Variants in NRCAM observed in about 807,000 individuals in gnomAD.
NRCAM encodes the protein neuronal cell adhesion molecule.
A neutral mutation model predicts 156.5 loss-of-function variants in NRCAM; 83 were observed. The observed-to-expected ratio is 0.53, with a 90% CI of 0.44 to 0.64. NRCAM has a LOEUF of 0.64. Ranked by LOEUF, NRCAM falls within the 30% of genes least tolerant of loss-of-function variation. The probability of loss-of-function intolerance (pLI) is 0.00; values close to 1 mark genes in which losing one functional copy is unlikely to be tolerated. For missense variants in NRCAM, 1,417 were observed against 1,597.3 expected (o/e 0.89, Z 1.92); for synonymous variants, 538 against 563.9 (o/e 0.95, Z 0.65).
chr7:108,331,153 C>T (rs935578946), intron 2 of NRCAM, among the ~76,000 whole-genome samples: 10 of 152,142 alleles, frequency 6.6e-5, no homozygotes, highest in Admixed American at 5.9e-4. Flanking sequence ...AATCCCAATA[C>T]TTTGGGAGGC....
At chr7:108,291,994 C>T (rs774793109) in intron 3 of NRCAM, among the ~76,000 whole-genome samples, 1 of 152,200 alleles carries the variant, frequency 6.6e-6, no homozygotes, top group Non-Finnish European at 1.5e-5. Context: ...GGAAAGGGCA[C>T]TGGGGCCCCG....
intron 28 of NRCAM, among the ~76,000 whole-genome samples, chr7:108,175,106 T>G (rs1235080171): frequency 6.6e-6 from 1 of 152,236 alleles, no homozygotes; most frequent in Non-Finnish European, 1.5e-5. Context: ...GTACCAGGGA[T>G]AAGTCTCAAG....
intron 2 of NRCAM, among the ~76,000 whole-genome samples, chr7:108,350,454 C>T (rs2099403853): frequency 6.6e-6 from 1 of 152,210 alleles, no homozygotes; most frequent in Non-Finnish European, 1.5e-5. Flanking sequence ...GAGTTGATGT[C>T]TCAGTCAATG....
At chr7:108,283,420 ATG>A (rs2097934492) in intron 3 of NRCAM, among the ~76,000 whole-genome samples, 1 of 152,358 alleles carries the variant, frequency 6.6e-6, no homozygotes, top group East Asian at 1.9e-4. Flanking sequence ...GGAGAGATGA[ATG>A]CCAGATTAGT....
intron 30 of NRCAM, 24 bp from the exon 31 acceptor site, chr7:108,160,516 G>T (rs1291052668): frequency 6.2e-7 from 1 of 1,609,958 alleles, no homozygotes; most frequent in South Asian, 1.1e-5. Context: ...CAATGGTGTT[G>T]GTGGCAATAG....
intron 1 of NRCAM, among the ~76,000 whole-genome samples, chr7:108,440,101 T>C (rs952427444): frequency 5.3e-5 from 8 of 152,252 alleles, no homozygotes; most frequent in East Asian, 1.9e-4. Context: ...TAGTCTCAAA[T>C]TGGAAACAGT....
At chr7:108,282,966 A>G (rs1269685) in intron 3 of NRCAM, among the ~76,000 whole-genome samples, 141,364 of 152,244 alleles carry the variant, frequency 0.93, 65,676 homozygotes, top group East Asian at 1. Context: ...GGGCACCAGG[A>G]TTTCTAAAAC....
chr7:108,333,507 C>A (rs1202764040), intron 2 of NRCAM, among the ~76,000 whole-genome samples: 2 of 151,768 alleles, frequency 1.3e-5, no homozygotes, highest in Non-Finnish European at 2.9e-5. Flanking sequence ...TCTTTTTAAT[C>A]AGATATTTTC....
chr7:108,403,315 G>GA (rs2099798358), intron 1 of NRCAM, among the ~76,000 whole-genome samples: 1 of 152,012 alleles, frequency 6.6e-6, no homozygotes, highest in Non-Finnish European at 1.5e-5. Context: ...TTGTCCTTAC[G>GA]AAATATTCAT....
intron 1 of NRCAM, among the ~76,000 whole-genome samples, chr7:108,435,743 TAAACTA>T (rs1831271936): frequency 1.3e-5 from 2 of 152,204 alleles, no homozygotes; most frequent in South Asian, 4.1e-4. Flanking sequence ...CCCCTGAACT[TAAACTA>T]AAACTCTAGT....
chr7:108,379,603 T>A lies in NRCAM; in HGVS notation c.-174+19833A>T, dbSNP rs116300844. Among the ~76,000 whole-genome samples, 777 of 152,292 alleles carry A rather than the reference T, an allele frequency of 5.1e-3. 8 individuals are homozygous for A. The highest frequency in any genetic ancestry group is 0.018 in the African/African-American group (758 of 41,548). On this transcript the variant is annotated intron_variant, in intron 2 of 32. Transcript: ENST00000379028. ...TAAAAAGATTTTAAAATGGTGAATT[T>A]TATCCTATGTGTATTTTATCACAGT...
rs757198642 is a variant in NRCAM at position 108,150,709 on chromosome 7, A to G, written c.3678-562T>C. The G allele has an allele frequency of 5.6e-6, 3 of 533,834 alleles. No homozygotes were observed. In the African/African-American group the frequency reaches 5.8e-5, roughly 10 times the overall value. The allele number at this position is 533,834 out of a possible 1,614,324, so 33.1% of individuals were successfully genotyped here. ...TTCAACCTTACCTTTCAAGAGACCT[A>G]CAAAATTCCATTAAAAGGATGCAGA... On this transcript the variant is annotated intron_variant, in intron 32 of 32. Coordinates refer to ENST00000379028, the MANE Select transcript of NRCAM (RefSeq NM_001037132.4).
At chr7:108,259,417 T>C (rs945222277) in intron 3 of NRCAM, among the ~76,000 whole-genome samples, 6 of 152,234 alleles carry the variant, frequency 3.9e-5, no homozygotes, top group Admixed American at 2.6e-4. Flanking sequence ...AGTTCAACCA[T>C]TGTGCAAGAC....
intron 28 of NRCAM, 134 bp from the exon 29 acceptor site, chr7:108,168,536 C>T: frequency 1.3e-6 from 1 of 775,550 alleles, no homozygotes; most frequent in Non-Finnish European, 1.8e-6. Flanking sequence ...TTAGGGTTCA[C>T]TCATGCTTTG....
chr7:108,456,609 C>T (rs1307456256), upstream of NRCAM: 1 of 152,294 alleles, frequency 6.6e-6, no homozygotes, highest in Non-Finnish European at 1.5e-5. Context: ...TGCCCTGCTG[C>T]TGCGACGGCA....
At position 108,150,130 on chromosome 7, in the gene NRCAM, T is replaced by A; in HGVS notation, c.3695A>T (p.Lys1232Met). ...AGTTCGACTTCCTTTTTTCAAAGGC[T>A]TGTGGTCTTCTGCATCACTGGAAGA... ...FGEYSDAEDH[K>M]PLKKGSRTPS... Residue 1232 changes from lysine to methionine, a missense_variant, in exon 33 of 33, where the codon AAG (lysine) becomes ATG (methionine). Transcript: ENST00000379028. 1 of 1,606,304 alleles carries A rather than the reference T, an allele frequency of 6.2e-7. No homozygotes were observed. Among genetic ancestry groups the A allele is most frequent in the Non-Finnish European group, 8.5e-7 (1 of 1,178,116 alleles).
intron 2 of NRCAM, among the ~76,000 whole-genome samples, chr7:108,313,878 CA>C (rs1400094899): frequency 6.6e-6 from 1 of 152,024 alleles, no homozygotes; most frequent in Non-Finnish European, 1.5e-5. Flanking sequence ...CTCAATTCAG[CA>C]AACTTATATT....
chr7:108,195,961 A>T (rs746011324), intron 14 of NRCAM, 89 bp from the exon 15 acceptor site: 3 of 855,378 alleles, frequency 3.5e-6, no homozygotes, highest in Non-Finnish European at 5.8e-6. Context: ...AGGTCATTAA[A>T]GTTTATGGTA....
intron 3 of NRCAM, among the ~76,000 whole-genome samples, chr7:108,245,285 A>G (rs1468833067): frequency 6.6e-6 from 1 of 152,100 alleles, no homozygotes; most frequent in Non-Finnish European, 1.5e-5. Flanking sequence ...TTATTTTTTA[A>G]TTAGTCAATA....
Sources: gnomAD v4.1 joint callset for allele counts (sites outside exome capture counted in the v4.1 genomes callset) on GRCh38, gnomAD v4.1.1 for gene constraint, MANE v1.5 for transcripts, NCBI Gene and HGNC (gene_info 2026-07-23, HGNC 2026-07-21) for gene names.